MICU1: variants seen among roughly 807,000 people sequenced by gnomAD.
MICU1 encodes mitochondrial calcium uptake 1.
In MICU1, 45 loss-of-function variants were observed where a neutral mutation model predicts 56.8. That is an observed-to-expected ratio of 0.79 (90% CI 0.62 to 1.02). MICU1 has a LOEUF of 1.02. MICU1 is among the 50% of genes least tolerant of loss of function. The pLI is 0.00. For missense variants in MICU1, 504 were observed against 587.1 expected (o/e 0.86, Z 1.46); for synonymous variants, 186 against 195.1 (o/e 0.95, Z 0.39).
chr10:72,388,226 T>G lies in MICU1; in HGVS notation c.1181-12354A>C, dbSNP rs966432757. On this transcript the variant is annotated intron_variant, in intron 10 of 11. Coordinates refer to ENST00000361114, the MANE Select transcript of MICU1 (RefSeq NM_001195518.2). ...CTGGTATACCAATGAGCGGAGGTGGTGAGGAACACCTTGGTCATTGGAAGG... is the reference window on the plus strand; with the variant it reads ...CTGGTATACCAATGAGCGGAGGTGGGGAGGAACACCTTGGTCATTGGAAGG... 5.9e-5 allele frequency among the ~76,000 whole-genome samples: 9 copies of G among 152,236 alleles called. 1 individual carries two copies. In the South Asian group the frequency reaches 1.9e-3, roughly 31 times the overall value.
intron 8 of MICU1, 72 bp downstream of exon 8, chr10:72,475,028 T>G: frequency 7.8e-7 from 1 of 1,289,198 alleles, no homozygotes. Context: ...ATGGAAAGAA[T>G]GCCTATAGTA....
intron 1 of MICU1, among the ~76,000 whole-genome samples, chr10:72,608,234 A>C (rs1841746290): frequency 6.6e-6 from 1 of 152,052 alleles, no homozygotes; most frequent in Non-Finnish European, 1.5e-5. Context: ...AAGCCCCGCT[A>C]ATTTTTGTAT....
intron 1 of MICU1, among the ~76,000 whole-genome samples, chr10:72,570,908 A>G (rs1486791883): frequency 6.6e-6 from 1 of 152,074 alleles, no homozygotes; most frequent in Non-Finnish European, 1.5e-5. Context: ...CATTTCTCAA[A>G]TCCACATGTA....
intron 8 of MICU1, among the ~76,000 whole-genome samples, chr10:72,449,073 C>T (rs1865212189): frequency 6.6e-6 from 1 of 152,148 alleles, no homozygotes; most frequent in Non-Finnish European, 1.5e-5. Context: ...GCTGGGACTA[C>T]AGGCATTTGC....
Position 72,508,233 on chromosome 10 carries a change from C to A in MICU1, c.574G>T (p.Gly192Cys). The A allele has an allele frequency of 2.6e-6, 4 of 1,529,478 alleles. No individual in the cohort carries two copies. Among genetic ancestry groups the A allele is most frequent in the Admixed American group, 3.5e-5 (2 of 57,712 alleles). 94.7% of individuals were successfully genotyped at this position (1,529,478 alleles called of 1,614,324 possible). ...SQEREKFADE[G>C]SIFYTLGECG... ...TCTCCAAGGGTGTAAAATATACTGC[C>A]TTCATCAGCAAATTTTTCTCGTTCC... Residue 192 changes from glycine to cysteine, a missense_variant, in exon 6 of 12, where the codon GGC becomes TGC. By Grantham distance (159) the Gly-to-Cys change is radical. Coordinates refer to ENST00000361114, the MANE Select transcript of MICU1 (RefSeq NM_001195518.2).
intron 6 of MICU1, among the ~76,000 whole-genome samples, chr10:72,507,789 G>A (rs1205702837): frequency 1.3e-5 from 2 of 152,022 alleles, no homozygotes; most frequent in Non-Finnish European, 1.5e-5. Context: ...AGGACTACAC[G>A]TATGCTTTTG....
At chr10:72,408,295 T>C (rs1863695387) in intron 9 of MICU1, among the ~76,000 whole-genome samples, 1 of 152,174 alleles carries the variant, frequency 6.6e-6, no homozygotes, top group Non-Finnish European at 1.5e-5. Flanking sequence ...GATGGCTGAA[T>C]ATCTTAATGA....
intron 8 of MICU1, among the ~76,000 whole-genome samples, chr10:72,449,963 T>C (rs1865243115): frequency 6.6e-6 from 1 of 152,106 alleles, no homozygotes; most frequent in Admixed American, 6.6e-5. Context: ...CATGTATGTG[T>C]ACTTTGCCAG....
intron 5 of MICU1, among the ~76,000 whole-genome samples, chr10:72,517,686 G>A (rs533116536): frequency 9.2e-5 from 14 of 152,022 alleles, no homozygotes; most frequent in African/African-American, 1.9e-4. Context: ...TACACTGCTC[G>A]GTGATGGGTG....
At chr10:72,532,162 A>G (rs1380295654) in intron 5 of MICU1, among the ~76,000 whole-genome samples, 11 of 151,968 alleles carry the variant, frequency 7.2e-5, no homozygotes, top group Admixed American at 7.2e-4. Flanking sequence ...CTAAAAATAC[A>G]AAAAAAGTAG....
At chr10:72,460,044 T>C (rs1865596839) in intron 8 of MICU1, among the ~76,000 whole-genome samples, 1 of 152,368 alleles carries the variant, frequency 6.6e-6, no homozygotes, top group Admixed American at 6.5e-5. Context: ...TGTTAATCCA[T>C]ACTTTACAGT....
At position 72,465,918 on chromosome 10, in the gene MICU1, A is replaced by G. The variant is rs75379635; in HGVS notation, c.933+9182T>C. On this transcript the variant is annotated intron_variant, in intron 8 of 11. Coordinates refer to ENST00000361114, the MANE Select transcript of MICU1 (RefSeq NM_001195518.2). ...TTTGCAGTTTGAGATATAACAGCAAAATTAGCATAATTTTTTTTCCTACTT... is the reference window on the plus strand; with the variant it reads ...TTTGCAGTTTGAGATATAACAGCAAGATTAGCATAATTTTTTTTCCTACTT... Among the ~76,000 whole-genome samples the G allele has an allele frequency of 7.5e-3, 1,139 of 152,254 alleles. 15 individuals are homozygous for G. The highest frequency in any genetic ancestry group is 0.026 in the African/African-American group (1,075 of 41,530).
At chr10:72,578,946 A>G (rs1039036744) in intron 1 of MICU1, among the ~76,000 whole-genome samples, 2 of 152,070 alleles carry the variant, frequency 1.3e-5, no homozygotes, top group Non-Finnish European at 2.9e-5. Flanking sequence ...CATAGACTAC[A>G]CTATAGTATA....
chr10:72,541,328 T>G (rs1158726767), intron 4 of MICU1, among the ~76,000 whole-genome samples: 1 of 152,224 alleles, frequency 6.6e-6, no homozygotes, highest in Non-Finnish European at 1.5e-5. Flanking sequence ...AATGTAGGCT[T>G]AGTTTCTCTA....
intron 8 of MICU1, among the ~76,000 whole-genome samples, chr10:72,458,976 G>A (rs577015576): frequency 1.1e-4 from 17 of 148,986 alleles, no homozygotes; most frequent in Admixed American, 4.1e-4. Context: ...TGATTTGTCC[G>A]CCTTGGTCTT....
chr10:72,582,249 CAGTATCCTATATT>C (rs1371833473), intron 1 of MICU1, among the ~76,000 whole-genome samples: 1 of 152,130 alleles, frequency 6.6e-6, no homozygotes, highest in Non-Finnish European at 1.5e-5. Flanking sequence ...TTTAATGAGA[CAGTATCCTATATT>C]AGTCTCATTC....
At chr10:72,393,073 G>A (rs1029908929) in intron 10 of MICU1, among the ~76,000 whole-genome samples, 3 of 152,206 alleles carry the variant, frequency 2.0e-5, no homozygotes, top group African/African-American at 7.2e-5. Context: ...TTTGTTCCCT[G>A]GGCTGCTGGG....
chr10:72,594,166 C>T (rs757281415), intron 1 of MICU1, among the ~76,000 whole-genome samples: 10 of 152,162 alleles, frequency 6.6e-5, no homozygotes, highest in Admixed American at 1.3e-4. Flanking sequence ...GAAGGGCAAA[C>T]ATATAGACCA....
At chr10:72,593,429 G>C (rs1355026063) in intron 1 of MICU1, among the ~76,000 whole-genome samples, 1 of 151,842 alleles carries the variant, frequency 6.6e-6, no homozygotes, top group Admixed American at 6.6e-5. Context: ...GCGAAACCCT[G>C]GCTCTAATCG....
Sources: allele counts gnomAD v4.1 joint callset (sites outside exome capture counted in the v4.1 genomes callset), GRCh38; gene constraint gnomAD v4.1.1; transcripts MANE v1.5; gene names NCBI Gene and HGNC (gene_info 2026-07-23, HGNC 2026-07-21).